The following TFIP11 variants were observed in gnomAD, a reference collection of about 807,000 sequenced individuals.
TFIP11 encodes tuftelin-interacting protein 11.
In TFIP11, 86 loss-of-function variants were observed where a neutral mutation model predicts 96.8. The observed-to-expected ratio is 0.89, with a 90% confidence interval of 0.75 to 1.06. The LOEUF is 1.06. TFIP11 is among the 50% of genes least tolerant of loss of function. The pLI is 0.00. For synonymous variants in TFIP11, 405 were observed against 395.2 expected (o/e 1.02, Z -0.29); for missense variants, 881 against 1,076.7 (o/e 0.82, Z 2.54).
intron 12 of TFIP11, 89 bp downstream of exon 12, chr22:26,495,984 A>G: frequency 1.3e-6 from 2 of 1,527,372 alleles, no homozygotes; most frequent in Non-Finnish European, 1.8e-6. Context: ...TCATGAACAT[A>G]AAGGCGATGC....
Position 26,506,765 on chromosome 22 carries a change from T to TA in TFIP11, c.363+9dup. On this transcript the variant is annotated intron_variant, in intron 5 of 14. Coordinates refer to ENST00000407690, the MANE Select transcript of TFIP11 (RefSeq NM_012143.4). Reference sequence around the variant, plus strand: ...TATTCCTAGGGTCACAATCCTGCAATAGAGACTACCGTTTTTAGCTTCCTT... The same window carrying TA: ...TATTCCTAGGGTCACAATCCTGCAATAAGAGACTACCGTTTTTAGCTTCCTT... The TA allele has an allele frequency of 1.2e-6, 2 of 1,614,150 alleles. No homozygotes were observed. Among genetic ancestry groups the TA allele is most frequent in the Non-Finnish European group, 1.7e-6 (2 of 1,180,010 alleles).
intron 11 of TFIP11, 89 bp downstream of exon 11, chr22:26,496,632 G>T: frequency 6.8e-7 from 1 of 1,477,736 alleles, no homozygotes; most frequent in Non-Finnish European, 9.3e-7. Context: ...AATTCCAGGC[G>T]TTTTAACAGC....
chr22:26,495,726 C>A (rs922676848), intron 12 of TFIP11, among the ~76,000 whole-genome samples: 7 of 150,596 alleles, frequency 4.6e-5, no homozygotes, highest in African/African-American at 1.7e-4. Flanking sequence ...TTTTTGCTAA[C>A]CTGGAAATAA....
At position 26,491,361 on chromosome 22, in the gene TFIP11, A is replaced by T. The variant is rs1921150054; in HGVS notation, c.*652T>A. Reference sequence around the variant, plus strand: ...AAAATACCCTATTTGTTATTTTTTTAAAAAGTAAAGTGGGGATGACAAGTA... The same window carrying T: ...AAAATACCCTATTTGTTATTTTTTTTAAAAGTAAAGTGGGGATGACAAGTA... On this transcript the variant is annotated 3_prime_UTR_variant, in exon 15 of 15. Coordinates refer to ENST00000407690, the MANE Select transcript of TFIP11 (RefSeq NM_012143.4). 5.0e-6 allele frequency: 5 copies of T among 998,944 alleles called. No homozygotes were observed. Among genetic ancestry groups the T allele is most frequent in the African/African-American group, 3.3e-5 (2 of 61,458 alleles). The allele number at this position is 998,944 out of a possible 1,614,324, so 61.9% of individuals were successfully genotyped here.
rs1453041852 is a variant in TFIP11, at chr22:26,512,445, A to G, written c.-224T>C. On this transcript the variant is annotated 5_prime_UTR_variant, in exon 1 of 15. Coordinates refer to ENST00000407690, the MANE Select transcript of TFIP11 (RefSeq NM_012143.4). Reference sequence around the variant, plus strand: ...TCAGCTTCACCATCCGCGCGAGAAGACGCCGCTCCTACACCAGAACCCGGA... The same window carrying G: ...TCAGCTTCACCATCCGCGCGAGAAGGCGCCGCTCCTACACCAGAACCCGGA... The G allele has an allele frequency of 6.6e-6, 1 of 152,290 alleles. No homozygotes were observed. The highest frequency in any genetic ancestry group is 2.4e-5 in the African/African-American group (1 of 41,448). 9.4% of individuals were successfully genotyped at this position (152,290 alleles called of 1,614,324 possible).
chr22:26,509,277 G>C (rs896216755), intron 4 of TFIP11, among the ~76,000 whole-genome samples: 1 of 152,066 alleles, frequency 6.6e-6, no homozygotes, highest in South Asian at 2.1e-4. Flanking sequence ...TTGCATATTG[G>C]GACCTCTTCT....
chr22:26,503,909 C>T, intron 6 of TFIP11, 116 bp from the exon 7 acceptor site: 4 of 1,356,690 alleles, frequency 2.9e-6, no homozygotes, highest in Non-Finnish European at 4.1e-6. Flanking sequence ...TAACATGCTA[C>T]TCAGGAAGGA....
chr22:26,495,686 G>A (rs1278928951), intron 12 of TFIP11, among the ~76,000 whole-genome samples: 33 of 148,228 alleles, frequency 2.2e-4, no homozygotes, highest in African/African-American at 2.2e-4. Context: ...ACATATATGT[G>A]TGTGTGTGTG....
chr22:26,500,465 A>G lies in TFIP11; in HGVS notation c.802-834T>C, dbSNP rs565949055. On this transcript the variant is annotated intron_variant, in intron 8 of 14. Transcript: ENST00000407690. ...ATTACAGGCATGAGCCACTGCGCCCAGCCTTTTAATTTTAAAACAAAATAA... is the reference window on the plus strand; with the variant it reads ...ATTACAGGCATGAGCCACTGCGCCCGGCCTTTTAATTTTAAAACAAAATAA... Among the ~76,000 whole-genome samples, 17 of 152,324 alleles carry G rather than the reference A, an allele frequency of 1.1e-4. No homozygotes were observed. The South Asian group carries it at 3.5e-3, about 32-fold the overall frequency.
chr22:26,496,239 T>A lies in TFIP11; in HGVS notation c.1683A>T (p.Ala561=). ...WIHPWLPLMQ[A]RLEPLYSPIR... ...TGGGGGAATAGAGTGGCTCCAGCCG[T>A]GCCTGCATAAGGGGCAGCCATGGGT... The change falls in exon 12 of 15, where the codon GCA becomes GCT. Residue 561 remains alanine (A), a synonymous_variant. Coordinates refer to ENST00000407690, the MANE Select transcript of TFIP11 (RefSeq NM_012143.4). 1 of 1,613,890 alleles carries A rather than the reference T, an allele frequency of 6.2e-7. No individual in the cohort carries two copies. Among genetic ancestry groups the A allele is most frequent in the Admixed American group, 1.7e-5 (1 of 60,014 alleles).
intron 8 of TFIP11, 55 bp from the exon 9 acceptor site, chr22:26,499,686 C>A (rs894683326): frequency 6.5e-7 from 1 of 1,531,652 alleles, no homozygotes; most frequent in Non-Finnish European, 8.8e-7. Flanking sequence ...GTTAAACACA[C>A]AGCTAAGCCC....
At chr22:26,494,763 C>T in intron 13 of TFIP11, 34 bp downstream of exon 13, 1 of 1,613,832 alleles carries the variant, frequency 6.2e-7, no homozygotes. Flanking sequence ...CACCCAGTTC[C>T]CTCCCCCAGA....
At chr22:26,509,165 C>T (rs1346283474) in intron 4 of TFIP11, among the ~76,000 whole-genome samples, 2 of 152,186 alleles carry the variant, frequency 1.3e-5, no homozygotes, top group Non-Finnish European at 2.9e-5. Flanking sequence ...CCACATCACA[C>T]CCTCTCTATC....
At chr22:26,495,547 T>G (rs1176754438) in intron 12 of TFIP11, among the ~76,000 whole-genome samples, 2 of 123,000 alleles carry the variant, frequency 1.6e-5, no homozygotes, top group African/African-American at 2.9e-5. Context: ...TTAAAATATA[T>G]ATGTGTATAT....
intron 4 of TFIP11, 26 bp from the exon 5 acceptor site, chr22:26,506,954 C>A (rs1000331793): frequency 6.2e-7 from 1 of 1,610,408 alleles, no homozygotes; most frequent in Admixed American, 1.7e-5. Context: ...CAAAGCCCCA[C>A]CAGGTCGGTA....
intron 8 of TFIP11, among the ~76,000 whole-genome samples, chr22:26,500,626 T>A (rs1247114350): frequency 6.6e-6 from 1 of 151,584 alleles, no homozygotes; most frequent in African/African-American, 2.4e-5. Flanking sequence ...AGTAAGAGTG[T>A]GATCCATGAA....
At chr22:26,504,383 C>T (rs1190850850) in intron 6 of TFIP11, among the ~76,000 whole-genome samples, 1 of 152,146 alleles carries the variant, frequency 6.6e-6, no homozygotes, top group Non-Finnish European at 1.5e-5. Flanking sequence ...TCCCTGCCCC[C>T]CTTCCATTTA....
chr22:26,498,702 T>TAA, intron 10 of TFIP11, 167 bp downstream of exon 10: 15 of 483,882 alleles, frequency 3.1e-5, no homozygotes, highest in Middle Eastern at 6.0e-4. Context: ...TCAAAAAAAT[T>TAA]AAAAAAAAAA....
rs113522407 is a variant in TFIP11 at position 26,498,580 on chromosome 22, A to G, written c.1436+289T>C. 5.3e-3 allele frequency: 1,441 copies of G among 272,206 alleles called. 23 individuals carry two copies. Among genetic ancestry groups the G allele is most frequent in the African/African-American group, 0.03 (1,362 of 45,122 alleles). The allele number at this position is 272,206 out of a possible 1,614,324, so 16.9% of individuals were successfully genotyped here. On this transcript the variant is annotated intron_variant, in intron 10 of 14. Coordinates refer to ENST00000407690, the MANE Select transcript of TFIP11 (RefSeq NM_012143.4). ...AAAAAAAGACTACAAATTGGATTCA[A>G]TGTATACTTCTCAGGAGATGGGTAC...
Sources: allele counts gnomAD v4.1 joint callset (sites outside exome capture counted in the v4.1 genomes callset), GRCh38; gene constraint gnomAD v4.1.1; transcripts MANE v1.5; gene names NCBI Gene and HGNC (gene_info 2026-07-23, HGNC 2026-07-21).